CACNA1C: variants seen among roughly 807,000 people sequenced by gnomAD.
CACNA1C encodes calcium voltage-gated channel subunit alpha1 C.
CACNA1C carries 30 observed loss-of-function variants against 229.0 expected under a neutral mutation model. The observed-to-expected ratio is 0.13, with a 90% CI of 0.10 to 0.18. CACNA1C has a LOEUF of 0.18. Ranked by LOEUF, CACNA1C falls within the 10% of genes least tolerant of loss-of-function variation. The pLI is 1.00. For synonymous variants in CACNA1C, 1,114 were observed against 1,132.5 expected, an observed-to-expected ratio of 0.98 and a Z score of 0.33; for missense variants, 1,658 against 2,845.0, an observed-to-expected ratio of 0.58 and a Z score of 9.49.
intron 1 of CACNA1C, among the ~76,000 whole-genome samples, chr12:2,070,344 C>A (rs1047746094): frequency 3.3e-5 from 5 of 152,112 alleles, no homozygotes; most frequent in African/African-American, 1.2e-4. Context: ...AGAAGTCACA[C>A]CCATTTTCAA....
chr12:2,203,980 A>T (rs1385976148), intron 3 of CACNA1C, among the ~76,000 whole-genome samples: 1 of 152,180 alleles, frequency 6.6e-6, no homozygotes, highest in East Asian at 1.9e-4. Context: ...ACATTAAATG[A>T]TGCTTGCAAA....
intron 3 of CACNA1C, among the ~76,000 whole-genome samples, chr12:2,415,093 G>A (rs117540283): frequency 0.026 from 3,900 of 152,330 alleles, 66 homozygotes; most frequent in South Asian, 0.069. Flanking sequence ...GCATGCGAGT[G>A]TGGGACCTGA....
chr12:2,547,204 C>T (rs2099882939), intron 9 of CACNA1C, among the ~76,000 whole-genome samples: 1 of 152,218 alleles, frequency 6.6e-6, no homozygotes, highest in East Asian at 1.9e-4. Flanking sequence ...GTAATTCCTT[C>T]TCTCCAGGGT....
chr12:2,026,281 C>T (rs1006843924), intron 1 of CACNA1C, among the ~76,000 whole-genome samples: 10 of 152,338 alleles, frequency 6.6e-5, no homozygotes, highest in South Asian at 2.1e-4. Context: ...CTTATTGGCT[C>T]TGCTAAAGCT....
At chr12:2,583,766 A>G (rs1377147849) in intron 15 of CACNA1C, among the ~76,000 whole-genome samples, 1 of 152,164 alleles carries the variant, frequency 6.6e-6, no homozygotes, top group African/African-American at 2.4e-5. Flanking sequence ...TCATGCATGC[A>G]AGGCCTCTGC....
chr12:2,569,593 A>G (rs528195912), intron 13 of CACNA1C, among the ~76,000 whole-genome samples: 4 of 152,326 alleles, frequency 2.6e-5, no homozygotes, highest in Admixed American at 2.6e-4. Context: ...AATGTTTTCA[A>G]GGGCCATCCA....
intron 3 of CACNA1C, among the ~76,000 whole-genome samples, chr12:2,230,494 CTGAGTG>C (rs1386173994): frequency 6.6e-6 from 1 of 152,186 alleles, no homozygotes; most frequent in African/African-American, 2.4e-5. Context: ...AGGGTAGAAC[CTGAGTG>C]TCCAAAAGGC....
At chr12:2,261,200 C>A (rs1032553110) in intron 3 of CACNA1C, among the ~76,000 whole-genome samples, 1 of 151,872 alleles carries the variant, frequency 6.6e-6, no homozygotes, top group African/African-American at 2.4e-5. Flanking sequence ...CCACTGCACT[C>A]CAGCCTGGGT....
intron 29 of CACNA1C, among the ~76,000 whole-genome samples, chr12:2,620,390 C>T (rs1308700837): frequency 6.6e-6 from 1 of 152,190 alleles, no homozygotes; most frequent in Non-Finnish European, 1.5e-5. Flanking sequence ...TGTGAATAAG[C>T]CATGTTGTTG....
chr12:2,652,491 G>A (rs567721112), intron 32 of CACNA1C, among the ~76,000 whole-genome samples: 84 of 152,364 alleles, frequency 5.5e-4, no homozygotes, highest in African/African-American at 2.0e-3. Context: ...GCTTCCCTGG[G>A]CTGGCGGAAC....
chr12:2,242,052 C>T (rs922517692), intron 3 of CACNA1C, among the ~76,000 whole-genome samples: 2 of 152,170 alleles, frequency 1.3e-5, no homozygotes, highest in African/African-American at 4.8e-5. Context: ...TCCCAGTCCT[C>T]CATTGTCCTT....
rs576218382 is a variant in CACNA1C at position 2,341,738 on chromosome 12, G to A, written c.478-107238G>A. On this transcript the variant is annotated intron_variant, in intron 3 of 46. Transcript: ENST00000399655. ...CCTCAAATAAGTCTGGAACTAGTACGAGCACGTGTGACGGACCCTCATTCA... is the reference window on the plus strand; with the variant it reads ...CCTCAAATAAGTCTGGAACTAGTACAAGCACGTGTGACGGACCCTCATTCA... Among the ~76,000 whole-genome samples the A allele has an allele frequency of 6.6e-5, 10 of 152,318 alleles. No homozygotes were observed. The South Asian group carries it at 2.1e-3, about 32-fold the overall frequency.
chr12:2,449,173 T>G, intron 4 of CACNA1C, 58 bp downstream of exon 4: 1 of 1,340,906 alleles, frequency 7.5e-7, no homozygotes, highest in Non-Finnish European at 9.9e-7. Context: ...GGACTTTTCC[T>G]TAAGTCAGCT....
chr12:2,572,931 C>G (rs2056864403), intron 13 of CACNA1C, among the ~76,000 whole-genome samples: 1 of 135,058 alleles, frequency 7.4e-6, no homozygotes, highest in Admixed American at 7.5e-5. Context: ...CCTCCTCCTC[C>G]TCTCCTCCTC....
At chr12:2,565,286 G>A (rs1431813531) in intron 11 of CACNA1C, among the ~76,000 whole-genome samples, 1 of 151,428 alleles carries the variant, frequency 6.6e-6, no homozygotes, top group Non-Finnish European at 1.5e-5. Context: ...GGCTAACAAG[G>A]TGAAACCCGT....
intron 13 of CACNA1C, among the ~76,000 whole-genome samples, chr12:2,578,496 A>T (rs1382661013): frequency 2.0e-5 from 3 of 152,134 alleles, no homozygotes; most frequent in Admixed American, 2.0e-4. Context: ...CTCACCTCAT[A>T]GCAACACCCG....
chr12:2,155,729 G>A (rs947023676), intron 3 of CACNA1C, among the ~76,000 whole-genome samples: 2 of 152,118 alleles, frequency 1.3e-5, no homozygotes, highest in Non-Finnish European at 2.9e-5. Flanking sequence ...TAGCGAAAAC[G>A]GGCACTTAGA....
At chr12:2,207,905 G>A (rs1183312717) in intron 3 of CACNA1C, among the ~76,000 whole-genome samples, 4 of 152,188 alleles carry the variant, frequency 2.6e-5, no homozygotes, top group African/African-American at 7.2e-5. Flanking sequence ...TCTTATTGAT[G>A]TGTGCCTTTT....
chr12:2,492,610 G>A (rs1442265510), intron 6 of CACNA1C, among the ~76,000 whole-genome samples: 4 of 152,240 alleles, frequency 2.6e-5, no homozygotes, highest in African/African-American at 9.6e-5. Flanking sequence ...AGGCTTCACT[G>A]TAAAGTGACT....
Sources: gnomAD v4.1 joint callset for allele counts (sites outside exome capture counted in the v4.1 genomes callset) on GRCh38, gnomAD v4.1.1 for gene constraint, MANE v1.5 for transcripts, NCBI Gene and HGNC (gene_info 2026-07-23, HGNC 2026-07-21) for gene names.